Variants in NSMCE2 observed in about 807,000 individuals in gnomAD.
NSMCE2 encodes the protein E3 SUMO-protein ligase NSE2.
NSMCE2 carries 24 observed loss-of-function variants against 23.8 expected under a neutral mutation model. That is an observed-to-expected ratio of 1.01 (90% CI 0.73 to 1.42). The LOEUF is 1.42. NSMCE2 is among the 40% of genes most tolerant of loss of function. The pLI is 0.00. For missense variants in NSMCE2, 284 were observed against 296.5 expected (o/e 0.96, Z 0.31); for synonymous variants, 92 against 94.1 (o/e 0.98, Z 0.13).
rs151338705 is a variant in NSMCE2, at chr8:125,163,363, G to A, written c.264+12086G>A. Among the ~76,000 whole-genome samples the A allele has an allele frequency of 3.9e-4, 60 of 152,268 alleles. No individual in the cohort carries two copies. The East Asian group carries it at 7.1e-3, about 18-fold the overall frequency. On this transcript the variant is annotated intron_variant, in intron 4 of 7. Transcript: ENST00000287437. Reference sequence around the variant, plus strand: ...GTTAAAAATAAAGTCTGAATAAGCCGTAATCATCTTTACTTCCCTCTTCCC... The same window carrying A: ...GTTAAAAATAAAGTCTGAATAAGCCATAATCATCTTTACTTCCCTCTTCCC...
At chr8:125,243,787 A>G (rs1478600312) in intron 5 of NSMCE2, among the ~76,000 whole-genome samples, 1 of 152,218 alleles carries the variant, frequency 6.6e-6, no homozygotes, top group East Asian at 1.9e-4. Flanking sequence ...ATAGTCCCGC[A>G]TGCTAAAAAT....
intron 5 of NSMCE2, among the ~76,000 whole-genome samples, chr8:125,291,074 A>G (rs1828087747): frequency 6.6e-6 from 1 of 152,230 alleles, no homozygotes; most frequent in East Asian, 1.9e-4. Context: ...AAAACAAGCA[A>G]ATAAAAAGAT....
At chr8:125,286,316 T>A (rs535916792) in intron 5 of NSMCE2, among the ~76,000 whole-genome samples, 748 of 38,318 alleles carry the variant, frequency 0.02, 11 homozygotes, top group African/African-American at 0.03. Context: ...CTTTTATTTA[T>A]TTTTTTTTTT....
At chr8:125,133,802 AAAG>A (rs1479234126) in intron 3 of NSMCE2, among the ~76,000 whole-genome samples, 5 of 152,166 alleles carry the variant, frequency 3.3e-5, no homozygotes, top group African/African-American at 1.2e-4. Flanking sequence ...GAAAAAGAAA[AAAG>A]AAATTCTGTG....
At chr8:125,323,277 T>G (rs1829526183) in intron 5 of NSMCE2, among the ~76,000 whole-genome samples, 2 of 152,218 alleles carry the variant, frequency 1.3e-5, no homozygotes, top group African/African-American at 4.8e-5. Flanking sequence ...CAGCAGGGGT[T>G]TTTTTGTAGA....
intron 3 of NSMCE2, among the ~76,000 whole-genome samples, chr8:125,143,614 A>G (rs1190712479): frequency 1.3e-5 from 2 of 152,222 alleles, no homozygotes; most frequent in East Asian, 1.9e-4. Context: ...TTAATCCACT[A>G]TATATAATTG....
Position 125,126,799 on chromosome 8 carries a change from T to C in NSMCE2, c.157+24312T>C, listed in dbSNP as rs74935002. ...TTGTAAAATAGCAGTTAACATCTAA[T>C]AAGTATTTAACTTTGTACCCACACA... is the stretch of plus-strand genomic sequence containing the variant. On this transcript the variant is annotated intron_variant, in intron 3 of 7. Transcript: ENST00000287437. Among the ~76,000 whole-genome samples, 1,027 of 152,354 alleles carry C rather than the reference T, an allele frequency of 6.7e-3. 13 individuals carry two copies. The highest frequency in any genetic ancestry group is 0.023 in the African/African-American group (956 of 41,584).
At chr8:125,331,570 C>A (rs776702807) in intron 5 of NSMCE2, among the ~76,000 whole-genome samples, 8 of 151,718 alleles carry the variant, frequency 5.3e-5, no homozygotes, top group Middle Eastern at 3.2e-3. Flanking sequence ...TTTCTCCTCC[C>A]TGAAGTTTAA....
At chr8:125,261,965 C>T (rs770965246) in intron 5 of NSMCE2, among the ~76,000 whole-genome samples, 11 of 151,782 alleles carry the variant, frequency 7.2e-5, no homozygotes, top group East Asian at 3.9e-4. Context: ...GGTGTGGTGG[C>T]GCACACCTGT....
At chr8:125,183,161 C>T (rs1586577511) in intron 5 of NSMCE2, among the ~76,000 whole-genome samples, 1 of 152,134 alleles carries the variant, frequency 6.6e-6, no homozygotes, top group East Asian at 1.9e-4. Flanking sequence ...ATAAATTTAC[C>T]TCGTGTCCTT....
At chr8:125,317,301 G>C (rs1829248287) in intron 5 of NSMCE2, among the ~76,000 whole-genome samples, 1 of 151,742 alleles carries the variant, frequency 6.6e-6, no homozygotes, top group South Asian at 2.1e-4. Flanking sequence ...GGGCTTAAGT[G>C]ATCTTCTCTC....
At chr8:125,170,993 C>T (rs1001642173) in intron 4 of NSMCE2, among the ~76,000 whole-genome samples, 9 of 152,176 alleles carry the variant, frequency 5.9e-5, no homozygotes, top group Admixed American at 1.3e-4. Context: ...TGTCCCACTT[C>T]GCACCCTGCT....
chr8:125,213,379 T>G (rs1824428919), intron 5 of NSMCE2, among the ~76,000 whole-genome samples: 1 of 152,178 alleles, frequency 6.6e-6, no homozygotes, highest in Non-Finnish European at 1.5e-5. Context: ...CTGCCCATAT[T>G]GCTCATATGC....
At chr8:125,339,697 C>T (rs1830171106) in intron 5 of NSMCE2, among the ~76,000 whole-genome samples, 1 of 152,126 alleles carries the variant, frequency 6.6e-6, no homozygotes, top group African/African-American at 2.4e-5. Context: ...CATCCTACTC[C>T]TTCTCCTTCA....
intron 5 of NSMCE2, among the ~76,000 whole-genome samples, chr8:125,202,951 A>G (rs1262077167): frequency 1.3e-5 from 2 of 152,340 alleles, no homozygotes; most frequent in Non-Finnish European, 2.9e-5. Context: ...ATTGGTTTTG[A>G]CAACCTTTTC....
intron 3 of NSMCE2, among the ~76,000 whole-genome samples, chr8:125,138,703 G>A (rs1208097309): frequency 6.6e-6 from 1 of 152,064 alleles, no homozygotes; most frequent in Non-Finnish European, 1.5e-5. Context: ...AGGTCAACTC[G>A]GTCAAAGGAA....
intron 4 of NSMCE2, among the ~76,000 whole-genome samples, chr8:125,178,698 G>A (rs1822619879): frequency 6.6e-6 from 1 of 151,988 alleles, no homozygotes; most frequent in Non-Finnish European, 1.5e-5. Flanking sequence ...GTGAAACCCC[G>A]TTTCTACTAA....
intron 5 of NSMCE2, among the ~76,000 whole-genome samples, chr8:125,247,865 T>C (rs1205687752): frequency 6.6e-6 from 1 of 152,196 alleles, no homozygotes; most frequent in Non-Finnish European, 1.5e-5. Flanking sequence ...AATATTACTC[T>C]AGAGTAATAG....
intron 5 of NSMCE2, among the ~76,000 whole-genome samples, chr8:125,298,458 G>T (rs148088566): frequency 1.3e-3 from 202 of 152,304 alleles, no homozygotes; most frequent in Non-Finnish European, 2.4e-3. Context: ...TCCAGCGTTT[G>T]CAGTCAAGCA....
Sources: gnomAD v4.1 joint callset for allele counts (sites outside exome capture counted in the v4.1 genomes callset) on GRCh38, gnomAD v4.1.1 for gene constraint, MANE v1.5 for transcripts, NCBI Gene and HGNC (gene_info 2026-07-23, HGNC 2026-07-21) for gene names.